Variants in MAGI1 observed in about 807,000 individuals in gnomAD.
MAGI1 encodes the protein membrane associated guanylate kinase, WW and PDZ domain containing 1, also known as membrane-associated guanylate kinase, WW and PDZ domain-containing protein 1.
In MAGI1, 58 loss-of-function variants were observed where a neutral mutation model predicts 139.9. That is an observed-to-expected ratio of 0.41 (90% CI 0.34 to 0.52). The LOEUF is 0.52. Ranked by LOEUF, MAGI1 falls within the 20% of genes least tolerant of loss-of-function variation. The pLI is 0.12. For missense variants in MAGI1, 1,874 were observed against 1,901.6 expected (o/e 0.99, Z 0.27); for synonymous variants, 812 against 737.9 (o/e 1.10, Z -1.63).
At chr3:65,941,979 G>T (rs897735898) in intron 1 of MAGI1, among the ~76,000 whole-genome samples, 1 of 152,120 alleles carries the variant, frequency 6.6e-6, no homozygotes, top group Non-Finnish European at 1.5e-5. Context: ...AGAGACAGGG[G>T]TTTCGCCGTG....
intron 13 of MAGI1, 79 bp from the exon 14 acceptor site, chr3:65,391,437 C>A: frequency 1.6e-6 from 2 of 1,224,600 alleles, no homozygotes; most frequent in East Asian, 2.4e-5. Flanking sequence ...ACCAGCTTGT[C>A]TTTGTTTAGC....
intron 1 of MAGI1, among the ~76,000 whole-genome samples, chr3:65,716,814 G>A (rs1227696824): frequency 1.3e-5 from 2 of 152,140 alleles, no homozygotes; most frequent in Non-Finnish European, 2.9e-5. Context: ...CCTATGAACT[G>A]CAGCATGATT....
chr3:65,542,365 A>G (rs575959637), intron 2 of MAGI1, among the ~76,000 whole-genome samples: 12 of 152,320 alleles, frequency 7.9e-5, no homozygotes, highest in Admixed American at 2.6e-4. Context: ...TTTAGATTCA[A>G]TGCTATCCCC....
chr3:65,860,892 T>G (rs1045924539), intron 1 of MAGI1, among the ~76,000 whole-genome samples: 1 of 152,110 alleles, frequency 6.6e-6, no homozygotes, highest in South Asian at 2.1e-4. Flanking sequence ...TAGGGTAACA[T>G]AGAGAATTCG....
intron 1 of MAGI1, among the ~76,000 whole-genome samples, chr3:65,970,885 A>G (rs768818285): frequency 2.0e-5 from 3 of 152,202 alleles, no homozygotes; most frequent in Non-Finnish European, 4.4e-5. Flanking sequence ...CTGCATTCTA[A>G]AACTACAGAT....
intron 1 of MAGI1, among the ~76,000 whole-genome samples, chr3:65,878,079 C>T (rs1036492369): frequency 6.6e-6 from 1 of 152,104 alleles, no homozygotes; most frequent in East Asian, 1.9e-4. Flanking sequence ...CCACTGCACT[C>T]CAGCCTACGT....
chr3:65,963,155 GAA>G lies in MAGI1; in HGVS notation c.313+74839_313+74840del, dbSNP rs111496149. 3.5e-4 allele frequency among the ~76,000 whole-genome samples: 48 copies of G among 138,432 alleles called. 1 individual carries two copies. Among genetic ancestry groups the G allele is most frequent in the African/African-American group, 5.4e-4 (20 of 37,180 alleles). The allele number at this position is 138,432 out of a possible 152,430, so 90.8% of individuals were successfully genotyped here. A position where few individuals can be genotyped will look rare whatever the true frequency, so the allele number is the denominator to read the frequency against. ...AAAACAGCCTGGCCAACACAGTGGG[GAA>G]AAAAAAAAAAAATTAGCTGGGAGTG... is the stretch of plus-strand genomic sequence containing the variant. On this transcript the variant is annotated intron_variant, in intron 1 of 22. Coordinates refer to ENST00000402939, the MANE Select transcript of MAGI1 (RefSeq NM_001033057.2).
intron 2 of MAGI1, among the ~76,000 whole-genome samples, chr3:65,558,208 GC>G (rs34209194): frequency 0.41 from 61,903 of 151,942 alleles, 13,891 homozygotes; most frequent in East Asian, 0.68. Context: ...GAGTCCAAGT[GC>G]CCCCATCTGT....
At chr3:65,579,321 T>G (rs1261336214) in intron 2 of MAGI1, among the ~76,000 whole-genome samples, 1 of 152,158 alleles carries the variant, frequency 6.6e-6, no homozygotes, top group African/African-American at 2.4e-5. Context: ...TTTCTGCTGC[T>G]CTGTGGTGGG....
chr3:65,902,475 C>G (rs969707835), intron 1 of MAGI1: 2 of 152,492 alleles, frequency 1.3e-5, no homozygotes, highest in African/African-American at 2.4e-5. Context: ...CAGCCCCTTG[C>G]GTATGTAAAG....
intron 5 of MAGI1, among the ~76,000 whole-genome samples, chr3:65,465,339 G>GTTT (rs935818788): frequency 1.4e-5 from 2 of 142,116 alleles, no homozygotes; most frequent in South Asian, 4.4e-4. Flanking sequence ...TTTGTTGGTT[G>GTTT]TTTTTTTTTT....
At chr3:65,506,335 C>G (rs2077288322) in intron 2 of MAGI1, among the ~76,000 whole-genome samples, 1 of 152,198 alleles carries the variant, frequency 6.6e-6, no homozygotes, top group Non-Finnish European at 1.5e-5. Flanking sequence ...ACAACAGTAT[C>G]TGCCCACGCC....
At chr3:65,999,283 G>T (rs947658018) in intron 1 of MAGI1, among the ~76,000 whole-genome samples, 3 of 152,076 alleles carry the variant, frequency 2.0e-5, no homozygotes, top group Admixed American at 1.3e-4. Context: ...CTTTTTCAAT[G>T]AAATTATAAT....
intron 13 of MAGI1, among the ~76,000 whole-genome samples, 174 bp downstream of exon 13, chr3:65,401,265 C>A (rs1944865346): frequency 6.6e-6 from 1 of 152,220 alleles, no homozygotes; most frequent in South Asian, 2.1e-4. Context: ...GCCCAAATAC[C>A]TTGTATAACA....
intron 12 of MAGI1, among the ~76,000 whole-genome samples, chr3:65,416,843 G>C (rs982300251): frequency 6.6e-6 from 1 of 152,064 alleles, no homozygotes; most frequent in African/African-American, 2.4e-5. Flanking sequence ...TCACAAATAG[G>C]GGACATGATT....
intron 12 of MAGI1, among the ~76,000 whole-genome samples, chr3:65,409,353 A>G (rs1353337356): frequency 6.6e-6 from 1 of 152,156 alleles, no homozygotes; most frequent in Non-Finnish European, 1.5e-5. Flanking sequence ...CGATATGAAG[A>G]AGGGGGCAGA....
chr3:65,430,182 A>G, intron 11 of MAGI1, 42 bp from the exon 12 acceptor site: 1 of 1,596,650 alleles, frequency 6.3e-7, no homozygotes, highest in Non-Finnish European at 8.6e-7. Flanking sequence ...AACAGCACCC[A>G]GAAAATTGTC....
intron 1 of MAGI1, among the ~76,000 whole-genome samples, chr3:65,974,047 C>T (rs1159484524): frequency 3.3e-5 from 5 of 151,806 alleles, no homozygotes; most frequent in Non-Finnish European, 7.4e-5. Context: ...TCAGAATTAG[C>T]ATGAAGAATA....
At chr3:65,796,965 C>G (rs1404163846) in intron 1 of MAGI1, among the ~76,000 whole-genome samples, 7 of 152,192 alleles carry the variant, frequency 4.6e-5, no homozygotes. Context: ...TTCATTCTTT[C>G]TCTCATCTTC....
Sources: gnomAD v4.1 joint callset for allele counts (sites outside exome capture counted in the v4.1 genomes callset) on GRCh38, gnomAD v4.1.1 for gene constraint, MANE v1.5 for transcripts, NCBI Gene and HGNC (gene_info 2026-07-23, HGNC 2026-07-21) for gene names.